Variants in NAV3 observed in about 807,000 individuals in gnomAD.
NAV3 encodes the protein pore membrane and/or filament interacting like protein 1.
A neutral mutation model predicts 244.7 loss-of-function variants in NAV3; 87 were observed. That is an observed-to-expected ratio of 0.36 (90% confidence interval 0.30 to 0.42). The LOEUF is 0.42. NAV3 is among the 20% of genes least tolerant of loss of function. The pLI is 1.00. For synonymous variants in NAV3, 1,126 were observed against 1,042.2 expected (o/e 1.08, Z -1.55); for missense variants, 2,663 against 2,893.3 (o/e 0.92, Z 1.83).
intron 1 of NAV3, among the ~76,000 whole-genome samples, chr12:77,838,066 G>T (rs1874978859): frequency 6.6e-6 from 1 of 152,160 alleles, no homozygotes; most frequent in Non-Finnish European, 1.5e-5. Context: ...GTCAGCTCTT[G>T]GGTCCCCAGA....
At position 77,843,455 on chromosome 12, in the gene NAV3, T is replaced by C. The variant is rs546952332; in HGVS notation, c.243+11751T>C. Among the ~76,000 whole-genome samples, 40 of 151,972 alleles carry C rather than the reference T, an allele frequency of 2.6e-4. No homozygotes were observed. The South Asian group carries it at 7.3e-3, about 28-fold the overall frequency. ...TATCTTATAGGCATTATAGAAAATA[T>C]ACTTAGAAAAACAGATTGAATATAG... On this transcript the variant is annotated intron_variant, in intron 1 of 39. Transcript: ENST00000397909.
chr12:77,724,038 A>G (rs1876766071), intron 2 of NAV3, among the ~76,000 whole-genome samples: 1 of 151,830 alleles, frequency 6.6e-6, no homozygotes, highest in Admixed American at 6.6e-5. Context: ...CATCCATTAA[A>G]TGGGGATAAC....
intron 12 of NAV3, among the ~76,000 whole-genome samples, chr12:78,064,526 T>G: frequency 6.6e-6 from 1 of 152,040 alleles, no homozygotes; most frequent in African/African-American, 2.4e-5. Flanking sequence ...GCACCAGTGC[T>G]ATTAGATTAG....
intron 2 of NAV3, among the ~76,000 whole-genome samples, chr12:77,737,065 A>C (rs535563324): frequency 7.2e-5 from 11 of 152,118 alleles, no homozygotes; most frequent in Non-Finnish European, 1.5e-4. Context: ...GGGAAAAGAA[A>C]AATTTAGCAC....
chr12:78,113,665 C>T (rs1410557464), intron 12 of NAV3, among the ~76,000 whole-genome samples: 2 of 152,108 alleles, frequency 1.3e-5, no homozygotes, highest in East Asian at 1.9e-4. Flanking sequence ...CCAATTTTCC[C>T]TCCTAGGCTT....
chr12:78,103,230 C>A (rs1954627692), intron 12 of NAV3, among the ~76,000 whole-genome samples: 1 of 152,204 alleles, frequency 6.6e-6, no homozygotes, highest in Non-Finnish European at 1.5e-5. Flanking sequence ...TCATCTCTCT[C>A]AAGTTCAGAG....
chr12:78,200,698 G>A (rs1565797226), intron 38 of NAV3, 107 bp downstream of exon 38: 6 of 557,580 alleles, frequency 1.1e-5, no homozygotes, highest in Non-Finnish European at 1.5e-5. Context: ...AAAACTAAAG[G>A]CATGAACTAT....
intron 1 of NAV3, among the ~76,000 whole-genome samples, chr12:77,900,895 T>C (rs1885208869): frequency 6.6e-6 from 1 of 152,224 alleles, no homozygotes; most frequent in Admixed American, 6.5e-5. Context: ...CTAGCATCTG[T>C]AGTTTGTTGA....
At chr12:77,920,109 T>A (rs1339703152) in intron 1 of NAV3, among the ~76,000 whole-genome samples, 1 of 152,054 alleles carries the variant, frequency 6.6e-6, no homozygotes, top group African/African-American at 2.4e-5. Context: ...GTTCTGGCAC[T>A]CTTTACTGTG....
At chr12:78,142,007 TTAGA>T (rs750155389) in intron 20 of NAV3, among the ~76,000 whole-genome samples, 4 of 152,012 alleles carry the variant, frequency 2.6e-5, no homozygotes, top group African/African-American at 4.8e-5. Context: ...AAAAATACAC[TTAGA>T]TAGAAGAAAT....
intron 23 of NAV3, among the ~76,000 whole-genome samples, chr12:78,162,557 T>A (rs574511391): frequency 1.3e-5 from 2 of 151,834 alleles, no homozygotes; most frequent in South Asian, 4.2e-4. Context: ...AGGTCACAGA[T>A]GATAATAAAA....
intron 16 of NAV3, among the ~76,000 whole-genome samples, chr12:78,123,390 TTATTTTCTAGACCTTCAG>T (rs1305852858): frequency 1.3e-5 from 2 of 152,110 alleles, no homozygotes; most frequent in Admixed American, 6.6e-5. Flanking sequence ...ATGATGGCAT[TTATTTTCTAGACCTTCAG>T]CCTTACTCCC....
At chr12:77,669,176 C>T (rs980246050) in intron 2 of NAV3, among the ~76,000 whole-genome samples, 4 of 152,146 alleles carry the variant, frequency 2.6e-5, no homozygotes, top group African/African-American at 9.7e-5. Flanking sequence ...ACCAAGACAG[C>T]ACTACAAGAA....
intron 5 of NAV3, among the ~76,000 whole-genome samples, chr12:77,991,228 G>A (rs569925575): frequency 1.3e-5 from 2 of 152,108 alleles, no homozygotes; most frequent in South Asian, 2.1e-4. Context: ...GTTTCACCAT[G>A]TTGGCCAGGC....
Position 78,188,785 on chromosome 12 carries a change from C to T in NAV3, c.6055+8C>T, listed in dbSNP as rs1345679319. ...TCACTGTGAACCTCAAAGGTAAAAG[C>T]AATAATGAAAAGCAAGGCAGAAATA... On this transcript the variant is annotated splice_region_variant and intron_variant, in intron 33 of 39. Coordinates refer to ENST00000397909, the MANE Select transcript of NAV3 (RefSeq NM_001024383.2). 9 of 1,608,428 alleles carry T rather than the reference C, an allele frequency of 5.6e-6. No individual in the cohort carries two copies. Among genetic ancestry groups the T allele is most frequent in the African/African-American group, 1.3e-5 (1 of 74,678 alleles).
chr12:77,925,541 G>C (rs1018922224), intron 1 of NAV3, among the ~76,000 whole-genome samples: 2 of 151,974 alleles, frequency 1.3e-5, no homozygotes, highest in African/African-American at 4.8e-5. Context: ...TGAAAAGGCG[G>C]GGGGAGGTTT....
Position 78,177,622 on chromosome 12 carries a change from C to T in NAV3, c.5300C>T (p.Ser1767Leu), listed in dbSNP as rs763136545. The change falls in exon 28 of 40, where the codon TCA becomes TTA. Residue 1767 changes from serine (S) to leucine (L), a missense_variant and splice_region_variant. By Grantham distance (145) the Ser-to-Leu change is moderately radical. This residue lies in a region of NAV3 where 193 missense variants were observed against 200.7 expected (regional missense o/e 0.96). Coordinates refer to ENST00000397909, the MANE Select transcript of NAV3 (RefSeq NM_001024383.2). ...TGTCTAACTGTATGTACATACAGGT[C>T]ACCCCTTGTCTGGCCACCAAAGAAA... ...SMKPSQSASASPLVWPPKKRQ... is the reference protein window; with the variant it reads ...SMKPSQSASALPLVWPPKKRQ... The T allele has an allele frequency of 6.3e-7, 1 of 1,596,990 alleles. No individual in the cohort carries two copies. The highest frequency in any genetic ancestry group is 8.5e-7 in the Non-Finnish European group (1 of 1,179,032).
At position 78,119,377 on chromosome 12, in the gene NAV3, G is replaced by A. The variant is rs2138606666; in HGVS notation, c.3181G>A (p.Ala1061Thr). 6.2e-7 allele frequency: 1 copy of A among 1,614,174 alleles called. No homozygotes were observed. Among genetic ancestry groups the A allele is most frequent in the Non-Finnish European group, 8.5e-7 (1 of 1,180,030 alleles). The change falls in exon 15 of 40, where the codon GCC (alanine) becomes ACC (threonine). Residue 1061 changes from alanine to threonine, a missense_variant. Ala to Thr is a moderately conservative substitution (Grantham distance 58). This residue lies in a region of NAV3 where 1,521 missense variants were observed against 1,497.0 expected (regional missense o/e 1.02). Coordinates refer to ENST00000397909, the MANE Select transcript of NAV3 (RefSeq NM_001024383.2). ...CCCCTCAGGCATTGGAAGATCGACT[G>A]CCACCAGCTCCTTTGGCTTTAAGAA... ...KPPSGIGRSTATSSFGFKKPS... is the reference protein window; with the variant it reads ...KPPSGIGRSTTTSSFGFKKPS...
intron 2 of NAV3, among the ~76,000 whole-genome samples, chr12:77,811,090 C>G (rs1174119769): frequency 6.6e-6 from 1 of 152,120 alleles, no homozygotes; most frequent in Non-Finnish European, 1.5e-5. Context: ...ATTGTTAAAA[C>G]TATAAGAATA....
Sources: gnomAD v4.1 joint callset for allele counts (sites outside exome capture counted in the v4.1 genomes callset) on GRCh38, gnomAD v4.1.1 for gene constraint, gnomAD v4.1.1 regional missense constraint, MANE v1.5 for transcripts, NCBI Gene and HGNC (gene_info 2026-07-23, HGNC 2026-07-21) for gene names.